The following AASS variants were observed in gnomAD, a reference collection of about 807,000 sequenced individuals.
AASS encodes the protein aminoadipate-semialdehyde synthase.
Under a neutral mutation model 105.4 loss-of-function variants are expected in AASS, and 86 were observed. The observed-to-expected ratio is 0.82, with a 90% CI of 0.69 to 0.98. The LOEUF (loss-of-function observed/expected upper bound fraction) is 0.98, where lower values mean the gene tolerates loss of function less well. Ranked by LOEUF, AASS falls within the 50% of genes least tolerant of loss-of-function variation. The pLI is 0.00. For synonymous variants in AASS, 381 were observed against 394.8 expected (o/e 0.96, Z 0.41); for missense variants, 1,048 against 1,143.2 (o/e 0.92, Z 1.20).
rs1795039292 is a variant in AASS at position 122,113,732 on chromosome 7, A to G, written c.1044-12T>C. 2.5e-6 allele frequency: 4 copies of G among 1,611,626 alleles called. No individual in the cohort carries two copies. The highest frequency in any genetic ancestry group is 3.4e-6 in the Non-Finnish European group (4 of 1,179,802). On this transcript the variant is annotated splice_polypyrimidine_tract_variant and intron_variant, in intron 9 of 23. Transcript: ENST00000417368. Reference sequence around the variant, plus strand: ...ATATTGCCACGAGTCTGAAAATAACATCAATACTTAGATGAGAGGATGAAA... The same window carrying G: ...ATATTGCCACGAGTCTGAAAATAACGTCAATACTTAGATGAGAGGATGAAA...
At chr7:122,103,279 C>T (rs932009646) in intron 11 of AASS, among the ~76,000 whole-genome samples, 8 of 151,934 alleles carry the variant, frequency 5.3e-5, no homozygotes. Context: ...AGTAGAAATC[C>T]TGCAGGCCAG....
intron 11 of AASS, among the ~76,000 whole-genome samples, chr7:122,107,934 C>A (rs1584858199): frequency 3.0e-5 from 3 of 100,426 alleles, no homozygotes; most frequent in Admixed American, 1.3e-4. Context: ...TATTGCATAA[C>A]AAATCACCCA....
At position 122,073,749 on chromosome 7, in the gene AASS, T is replaced by C. The variant is rs1173094101; in HGVS notation, c.*2740A>G. Reference sequence around the variant, plus strand: ...GTCACCCCTTTGTCCTCCCCAACCCTTCAGCCTAAGCAACCACTAATCTGC... The same window carrying C: ...GTCACCCCTTTGTCCTCCCCAACCCCTCAGCCTAAGCAACCACTAATCTGC... On this transcript the variant is annotated 3_prime_UTR_variant, in exon 24 of 24. Coordinates refer to ENST00000417368, the MANE Select transcript of AASS (RefSeq NM_005763.4). 6.6e-6 allele frequency among the ~76,000 whole-genome samples: 1 copy of C among 152,096 alleles called. No homozygotes were observed. Among genetic ancestry groups the C allele is most frequent in the East Asian group, 1.9e-4 (1 of 5,186 alleles).
chr7:122,082,210 T>C (rs1472569883), intron 19 of AASS, among the ~76,000 whole-genome samples: 3 of 152,196 alleles, frequency 2.0e-5, no homozygotes, highest in African/African-American at 7.2e-5. Context: ...TCCTTCATTG[T>C]CTACAAAGCA....
intron 1 of AASS, among the ~76,000 whole-genome samples, chr7:122,137,465 C>A (rs1480964133): frequency 2.0e-5 from 3 of 152,132 alleles, no homozygotes. Flanking sequence ...CAGTTCTCCC[C>A]GTAGCATGCC....
At chr7:122,128,843 C>G (rs1795778422) in intron 3 of AASS, among the ~76,000 whole-genome samples, 1 of 152,146 alleles carries the variant, frequency 6.6e-6, no homozygotes, top group South Asian at 2.1e-4. Flanking sequence ...CTTTGGAAGG[C>G]TGAGGTGGGC....
intron 6 of AASS, among the ~76,000 whole-genome samples, chr7:122,117,240 T>C (rs1795224853): frequency 6.6e-6 from 1 of 152,226 alleles, no homozygotes; most frequent in Non-Finnish European, 1.5e-5. Context: ...GGGAAAAATA[T>C]TTCCATTTAT....
rs905378629 is a variant in AASS, at chr7:122,116,615, G to T, written c.894+18C>A. On this transcript the variant is annotated intron_variant, in intron 8 of 23. Transcript: ENST00000417368. ...TGTATCATAAGCAACCAACTTAAAA[G>T]GTGAATATGATACTCACATCAGTAT... is the stretch of plus-strand genomic sequence containing the variant. The T allele has an allele frequency of 1.9e-6, 3 of 1,613,698 alleles. No individual in the cohort carries two copies. Among genetic ancestry groups the T allele is most frequent in the African/African-American group, 1.3e-5 (1 of 74,870 alleles).
chr7:122,106,902 T>C (rs1459743307), intron 11 of AASS, among the ~76,000 whole-genome samples: 4 of 151,972 alleles, frequency 2.6e-5, no homozygotes, highest in African/African-American at 7.2e-5. Context: ...AAATGGGATC[T>C]AATTAAACTA....
chr7:122,090,384 G>C (rs1793838765), intron 18 of AASS, among the ~76,000 whole-genome samples: 2 of 152,032 alleles, frequency 1.3e-5, no homozygotes, highest in African/African-American at 4.8e-5. Context: ...GAATCTTTGG[G>C]GATGAGGCGC....
chr7:122,111,178 T>G (rs1332847098), intron 11 of AASS, among the ~76,000 whole-genome samples: 2 of 152,174 alleles, frequency 1.3e-5, no homozygotes, highest in Non-Finnish European at 2.9e-5. Flanking sequence ...TAAAGTGGTT[T>G]TTATAACTAT....
At chr7:122,108,858 G>A (rs879876302) in intron 11 of AASS, among the ~76,000 whole-genome samples, 1 of 151,904 alleles carries the variant, frequency 6.6e-6, no homozygotes, top group Non-Finnish European at 1.5e-5. Flanking sequence ...TTGGAAAGCA[G>A]GAAGTCAAAT....
At chr7:122,123,833 C>CTTATGTATTAGTATGTATTATGTA (rs1795538652) in intron 4 of AASS, among the ~76,000 whole-genome samples, 1 of 152,172 alleles carries the variant, frequency 6.6e-6, no homozygotes, top group African/African-American at 2.4e-5. Flanking sequence ...ATTATAGCAA[C>CTTATGTATTAGTATGTATTATGTA]TTAGTATGTA....
At chr7:122,135,132 G>A (rs940348708) in intron 1 of AASS, among the ~76,000 whole-genome samples, 2 of 151,976 alleles carry the variant, frequency 1.3e-5, no homozygotes, top group African/African-American at 2.4e-5. Flanking sequence ...CATGGGGTGC[G>A]GGGAGGGGTG....
intron 17 of AASS, among the ~76,000 whole-genome samples, chr7:122,092,050 C>G (rs1043973479): frequency 6.6e-6 from 1 of 151,650 alleles, no homozygotes; most frequent in African/African-American, 2.4e-5. Flanking sequence ...TTTAAAAAAA[C>G]TGTAAAAATA....
intron 2 of AASS, among the ~76,000 whole-genome samples, chr7:122,133,200 C>T (rs1314472245): frequency 6.6e-6 from 1 of 152,090 alleles, no homozygotes; most frequent in Non-Finnish European, 1.5e-5. Context: ...GAATGATGAA[C>T]ATGACAGGCT....
chr7:122,115,206 G>A lies in AASS; in HGVS notation c.911C>T (p.Thr304Ile). ...RFNTDIAPYT[T>I]CLINGIYWEQ... The stretch of plus-strand genomic sequence containing the variant: ...CCAGTAGATTCCATTAATTAAGCAA[G>A]TTGTATAGGGTGCAATCTGTAATGC... The change falls in exon 9 of 24, where the codon ACT (threonine) becomes ATT (isoleucine). Residue 304 changes from threonine (T) to isoleucine (I), a missense_variant. Transcript: ENST00000417368. 1 of 1,614,116 alleles carries A rather than the reference G, an allele frequency of 6.2e-7. No individual in the cohort carries two copies. The highest frequency in any genetic ancestry group is 8.5e-7 in the Non-Finnish European group (1 of 1,179,998).
intron 3 of AASS, among the ~76,000 whole-genome samples, chr7:122,128,753 A>G (rs1795772896): frequency 1.3e-5 from 2 of 152,196 alleles, no homozygotes; most frequent in South Asian, 4.1e-4. Flanking sequence ...TATCTCAAAA[A>G]TGCATTTTCC....
Position 122,113,736 on chromosome 7 carries a change from A to G in AASS, c.1044-16T>C. ...TGCCACGAGTCTGAAAATAACATCA[A>G]TACTTAGATGAGAGGATGAAATTCT... On this transcript the variant is annotated splice_polypyrimidine_tract_variant and intron_variant, in intron 9 of 23. Transcript: ENST00000417368. 2.5e-6 allele frequency: 4 copies of G among 1,611,414 alleles called. No individual in the cohort carries two copies. The highest frequency in any genetic ancestry group is 2.5e-6 in the Non-Finnish European group (3 of 1,179,754).
Sources: gnomAD v4.1 joint callset for allele counts (sites outside exome capture counted in the v4.1 genomes callset) on GRCh38, gnomAD v4.1.1 for gene constraint, MANE v1.5 for transcripts, NCBI Gene and HGNC (gene_info 2026-07-23, HGNC 2026-07-21) for gene names.